ENPEP: variants seen among roughly 807,000 people sequenced by gnomAD.
The protein encoded by ENPEP is AP-A.
A neutral mutation model predicts 114.5 loss-of-function variants in ENPEP; 103 were observed. The ratio of observed to expected loss-of-function variants is 0.90; its 90% confidence interval spans 0.77 to 1.06. The LOEUF (loss-of-function observed/expected upper bound fraction) is 1.06. ENPEP is among the 50% of genes least tolerant of loss of function. The pLI is 0.00. For missense variants in ENPEP, 1,196 were observed against 1,161.3 expected (o/e 1.03, Z -0.43); for synonymous variants, 420 against 422.0 (o/e 1.00, Z 0.06).
At chr4:110,529,973 G>A (rs1726342495) in intron 10 of ENPEP, among the ~76,000 whole-genome samples, 1 of 152,184 alleles carries the variant, frequency 6.6e-6, no homozygotes, top group African/African-American at 2.4e-5. Flanking sequence ...CTACTTGGGA[G>A]GCTTAGGCAG....
chr4:110,558,095 A>G (rs1006565317), intron 18 of ENPEP, among the ~76,000 whole-genome samples: 1 of 128,578 alleles, frequency 7.8e-6, no homozygotes, highest in African/African-American at 3.0e-5. Flanking sequence ...TCCTGGGCTC[A>G]GTGGATCCTC....
At chr4:110,526,150 C>T (rs1042931291) in intron 10 of ENPEP, among the ~76,000 whole-genome samples, 4 of 152,164 alleles carry the variant, frequency 2.6e-5, no homozygotes, top group African/African-American at 9.6e-5. Flanking sequence ...GTAGCACACA[C>T]CTGTAATCCC....
intron 17 of ENPEP, among the ~76,000 whole-genome samples, chr4:110,550,879 A>C (rs953460627): frequency 3.9e-4 from 60 of 152,098 alleles, no homozygotes; most frequent in African/African-American, 1.4e-3. Context: ...TACCAGGTAG[A>C]GCCAATAATA....
At chr4:110,538,555 G>A (rs890044334) in intron 11 of ENPEP, among the ~76,000 whole-genome samples, 12 of 152,160 alleles carry the variant, frequency 7.9e-5, no homozygotes, top group Non-Finnish European at 1.6e-4. Context: ...CTCCATATCA[G>A]CAATACAGAT....
chr4:110,520,506 T>G, intron 10 of ENPEP, 140 bp downstream of exon 10: 1 of 867,720 alleles, frequency 1.2e-6, no homozygotes, highest in East Asian at 2.6e-5. Flanking sequence ...GAACAAGGAA[T>G]TCAAAAATAG....
In ENPEP at chr4:110,548,158, TTTTTTTG is replaced by T; in HGVS notation, c.2001-16_2001-10del. 2 of 1,199,220 alleles carry T rather than the reference TTTTTTTG, an allele frequency of 1.7e-6. No individual in the cohort carries two copies. Among genetic ancestry groups the T allele is most frequent in the South Asian group, 3.2e-5 (1 of 31,412 alleles). 74.3% of individuals were successfully genotyped at this position (1,199,220 alleles called of 1,614,324 possible). A position where few individuals can be genotyped will look rare whatever the true frequency, so the allele number is the denominator to read the frequency against. ...CTGTGAGTTTTTTTTTTTTTTTTTT[TTTTTTTG>T]TCTTTCTCAGAGCTCAACTTCTAGA... is the stretch of plus-strand genomic sequence containing the variant. On this transcript the variant is annotated splice_polypyrimidine_tract_variant and intron_variant, in intron 13 of 19. Coordinates refer to ENST00000265162, the MANE Select transcript of ENPEP (RefSeq NM_001977.4).
At chr4:110,492,866 C>T (rs1476299036) in intron 3 of ENPEP, among the ~76,000 whole-genome samples, 2 of 152,174 alleles carry the variant, frequency 1.3e-5, no homozygotes, top group African/African-American at 2.4e-5. Flanking sequence ...ATTGACAATT[C>T]AATTGCATGA....
intron 11 of ENPEP, among the ~76,000 whole-genome samples, chr4:110,541,747 A>C (rs1726854172): frequency 6.6e-6 from 1 of 152,146 alleles, no homozygotes; most frequent in Non-Finnish European, 1.5e-5. Context: ...ATTTTTCAAT[A>C]TCACAACCTA....
At chr4:110,509,915 A>G in intron 5 of ENPEP, 108 bp downstream of exon 5, 3 of 1,376,046 alleles carry the variant, frequency 2.2e-6, no homozygotes, top group Non-Finnish European at 2.9e-6. Context: ...CCAACTCAGA[A>G]AAACTTGCAT....
intron 11 of ENPEP, among the ~76,000 whole-genome samples, chr4:110,539,602 A>G (rs1344855511): frequency 6.6e-6 from 1 of 152,094 alleles, no homozygotes; most frequent in African/African-American, 2.4e-5. Flanking sequence ...TATGTTGACC[A>G]GGCTGGTCTC....
chr4:110,564,670 T>C lies in ENPEP; in HGVS notation c.*3112T>C, dbSNP rs752059044. The stretch of plus-strand genomic sequence containing the variant: ...GTAGGCTATGTGTTAGCCTGTGTTA[T>C]TGTTCATAAATAGTAATTGCCCTGG... On this transcript the variant is annotated 3_prime_UTR_variant, in exon 20 of 20. Transcript: ENST00000265162. The C allele has an allele frequency of 2.0e-5, 3 of 152,218 alleles. No individual in the cohort carries two copies. The highest frequency in any genetic ancestry group is 4.4e-5 in the Non-Finnish European group (3 of 68,032). 9.4% of individuals were successfully genotyped at this position (152,218 alleles called of 1,614,324 possible).
rs1037708430 is a variant in ENPEP at position 110,549,852 on chromosome 4, T to A, written c.2467T>A (p.Leu823Ile). The change falls in exon 17 of 20, where the codon TTA becomes ATA. Residue 823 changes from leucine (L) to isoleucine (I), a missense_variant. By Grantham distance (5) the Leu-to-Ile change is conservative. Transcript: ENST00000265162. ...AQEKEKLLYGLASVKNVTLLS... is the reference protein window; with the variant it reads ...AQEKEKLLYGIASVKNVTLLS... ...AGAAAAAGAAAAACTGCTGTATGGA[T>A]TAGCATCAGTGAAGAACGTTACTCT... The A allele has an allele frequency of 6.2e-7, 1 of 1,612,554 alleles. No individual in the cohort carries two copies. Among genetic ancestry groups the A allele is most frequent in the African/African-American group, 1.3e-5 (1 of 74,780 alleles).
intron 11 of ENPEP, among the ~76,000 whole-genome samples, chr4:110,540,069 T>A (rs1726795599): frequency 6.6e-6 from 1 of 152,120 alleles, no homozygotes; most frequent in Non-Finnish European, 1.5e-5. Context: ...CAGAAATAAC[T>A]CATTCAATAC....
At chr4:110,553,290 T>C (rs1727355638) in intron 17 of ENPEP, 25 bp from the exon 18 acceptor site, 1 of 1,526,362 alleles carries the variant, frequency 6.6e-7, no homozygotes, top group Non-Finnish European at 8.9e-7. Context: ...CACTTTGAAT[T>C]GTTTTTCTGT....
Position 110,520,220 on chromosome 4 carries a change from TA to T in ENPEP, c.1582del (p.Arg528GlyfsTer4). Reference sequence around the variant, plus strand: ...CATTTTGTTTTCAATCTTAGGCAAGTAGGCTACCAGTGAAAGAAGTAATGGA... The same window carrying T: ...CATTTTGTTTTCAATCTTAGGCAAGTGGCTACCAGTGAAAGAAGTAATGGA... ...DFWAALEEAS[R>X]LPVKEVMDTW... On this transcript the variant is annotated frameshift_variant, in exon 10 of 20. Transcript: ENST00000265162. LOFTEE classifies it high-confidence loss of function. 1 of 1,613,608 alleles carries T rather than the reference TA, an allele frequency of 6.2e-7. No homozygotes were observed. The highest frequency in any genetic ancestry group is 8.5e-7 in the Non-Finnish European group (1 of 1,179,650).
At chr4:110,544,353 C>T (rs568512313) in intron 13 of ENPEP, among the ~76,000 whole-genome samples, 13 of 152,066 alleles carry the variant, frequency 8.5e-5, no homozygotes, top group South Asian at 4.2e-4. Context: ...ATGCATCCAC[C>T]GTTAATTAGT....
At chr4:110,500,688 C>A (rs1027181726) in intron 3 of ENPEP, among the ~76,000 whole-genome samples, 1 of 152,182 alleles carries the variant, frequency 6.6e-6, no homozygotes, top group African/African-American at 2.4e-5. Context: ...TGCATCCCTC[C>A]TCACTCCATG....
intron 6 of ENPEP, chr4:110,512,489 G>A (rs1048075926): frequency 2.6e-5 from 4 of 152,200 alleles, no homozygotes; most frequent in African/African-American, 9.7e-5. Flanking sequence ...CTTGACAGCA[G>A]TACCTTTCCT....
chr4:110,490,899 A>G, intron 2 of ENPEP, 134 bp from the exon 3 acceptor site: 1 of 930,312 alleles, frequency 1.1e-6, no homozygotes, highest in South Asian at 1.8e-5. Context: ...ATCACCACAA[A>G]CAATTTGACC....
Sources: allele counts gnomAD v4.1 joint callset (sites outside exome capture counted in the v4.1 genomes callset), GRCh38; gene constraint gnomAD v4.1.1; transcripts MANE v1.5; gene names NCBI Gene and HGNC (gene_info 2026-07-23, HGNC 2026-07-21).